The following TLL2 variants were observed in gnomAD, a reference collection of about 807,000 sequenced individuals.
TLL2 encodes tolloid like 2, also known as tolloid-like protein 2.
TLL2 carries 106 observed loss-of-function variants against 123.0 expected under a neutral mutation model. The observed-to-expected ratio is 0.86, with a 90% confidence interval of 0.74 to 1.01. TLL2 has a LOEUF of 1.01. TLL2 is among the 50% of genes least tolerant of loss of function. The pLI is 0.00. For synonymous variants in TLL2, 494 were observed against 516.8 expected (o/e 0.96, Z 0.60); for missense variants, 1,332 against 1,336.7 (o/e 1.00, Z 0.06).
rs1564891981 is a variant in TLL2 at position 96,370,251 on chromosome 10, C to T, written c.2727G>A (p.Gly909=). ...GGGCCTCGCTCGGGTAGTTGTTGTCCCCAAACTGGGCGTGGGAATAGAGCT... is the reference window on the plus strand; with the variant it reads ...GGGCCTCGCTCGGGTAGTTGTTGTCTCCAAACTGGGCGTGGGAATAGAGCT... ...TKELYSHAQF[G]DNNYPSEARC... The change falls in exon 20 of 21, where the codon GGG becomes GGA. Residue 909 remains glycine (G), a synonymous_variant. Transcript: ENST00000357947. 5 of 1,612,734 alleles carry T rather than the reference C, an allele frequency of 3.1e-6. No homozygotes were observed. Among genetic ancestry groups the T allele is most frequent in the African/African-American group, 1.3e-5 (1 of 74,922 alleles).
rs184294228 is a variant in TLL2, at chr10:96,372,953, G to T, written c.2662+643C>A. On this transcript the variant is annotated intron_variant, in intron 19 of 20. Coordinates refer to ENST00000357947, the MANE Select transcript of TLL2 (RefSeq NM_012465.4). ...AATCCTCCCCACTCAGCCTCCCAAA[G>T]TTCTGGGATTACAGGTGTGAGCCAC... Among the ~76,000 whole-genome samples, 947 of 152,196 alleles carry T rather than the reference G, an allele frequency of 6.2e-3. 8 individuals are homozygous for T. The highest frequency in any genetic ancestry group is 0.024 in the Middle Eastern group (7 of 294).
intron 1 of TLL2, among the ~76,000 whole-genome samples, chr10:96,485,726 T>C (rs1847349157): frequency 6.6e-6 from 1 of 152,204 alleles, no homozygotes; most frequent in South Asian, 2.1e-4. Flanking sequence ...TATCTGACAA[T>C]TCCTTGAAAT....
intron 8 of TLL2, among the ~76,000 whole-genome samples, chr10:96,411,779 C>T (rs1846509581): frequency 6.6e-6 from 1 of 152,200 alleles, no homozygotes; most frequent in South Asian, 2.1e-4. Context: ...CTCGGAACTA[C>T]TGGAAGCTCC....
intron 2 of TLL2, among the ~76,000 whole-genome samples, chr10:96,468,586 C>A (rs532879075): frequency 5.3e-5 from 8 of 152,318 alleles, no homozygotes; most frequent in African/African-American, 1.9e-4. Context: ...CTGTATCTCA[C>A]AACTAAAGAG....
At position 96,365,457 on chromosome 10, in the gene TLL2, C is replaced by A. The variant is rs549514837; in HGVS notation, c.*2631G>T. Reference sequence around the variant, plus strand: ...GGAGCCAGGCTAAAAACCCAGACCCCAAATCCTTCATTAGCCTGTTGTCCT... The same window carrying A: ...GGAGCCAGGCTAAAAACCCAGACCCAAAATCCTTCATTAGCCTGTTGTCCT... On this transcript the variant is annotated 3_prime_UTR_variant, in exon 21 of 21. Transcript: ENST00000357947. The A allele has an allele frequency of 2.6e-5, 4 of 152,362 alleles. No homozygotes were observed. The East Asian group carries it at 7.7e-4, about 29-fold the overall frequency. The allele number at this position is 152,362 out of a possible 1,614,324, so 9.4% of individuals were successfully genotyped here.
intron 19 of TLL2, among the ~76,000 whole-genome samples, chr10:96,372,936 C>G (rs1846097892): frequency 6.6e-6 from 1 of 152,124 alleles, no homozygotes; most frequent in African/African-American, 2.4e-5. Context: ...GCAATCCTCC[C>G]CACTCAGCCT....
At chr10:96,458,883 C>T (rs1847045200) in intron 2 of TLL2, among the ~76,000 whole-genome samples, 1 of 151,990 alleles carries the variant, frequency 6.6e-6, no homozygotes, top group African/African-American at 2.4e-5. Flanking sequence ...TTACTTGAGG[C>T]CAAGAGTTCA....
chr10:96,474,478 T>C (rs746490912), intron 2 of TLL2, among the ~76,000 whole-genome samples: 24 of 152,118 alleles, frequency 1.6e-4, no homozygotes, highest in Non-Finnish European at 2.8e-4. Context: ...CATTTCCTTA[T>C]GTGTAGAATG....
In TLL2 at chr10:96,386,109, G is replaced by A. The variant is rs770831045; in HGVS notation, c.1959C>T (p.Pro653=). The change falls in exon 15 of 21, where the codon CCC becomes CCT. Residue 653 remains proline (P), a synonymous_variant. Transcript: ENST00000357947. The part of the protein sequence containing the change: ...NKNCVWQVVA[P]AQYRISLQFE... ...ACTGAAGGGAGATCCGGTACTGAGC[G>A]GGGGCCACCACCTGCCAGACACAGT... 57 of 1,612,332 alleles carry A rather than the reference G, an allele frequency of 3.5e-5. No individual in the cohort carries two copies. The highest frequency in any genetic ancestry group is 8.4e-5 in the Admixed American group (5 of 59,836).
In TLL2 at chr10:96,428,737, C is replaced by T. The variant is rs1186617185; in HGVS notation, c.532G>A (p.Ala178Thr). Residue 178 changes from alanine to threonine, a missense_variant, in exon 5 of 21, where the codon GCC (alanine) becomes ACC (threonine). Physicochemically the swap from Ala to Thr is moderately conservative, Grantham distance 58. Coordinates refer to ENST00000357947, the MANE Select transcript of TLL2 (RefSeq NM_012465.4). The stretch of plus-strand genomic sequence containing the variant: ...TGTCTCATGGCCTGCTTAAAAATGG[C>T]CCTCTGGCTCCCTGAAACAACAGGG... ...IGGNFTGSQRAIFKQAMRHWE... is the reference protein window; with the variant it reads ...IGGNFTGSQRTIFKQAMRHWE... The T allele has an allele frequency of 3.1e-6, 5 of 1,611,352 alleles. No homozygotes were observed. Among genetic ancestry groups the T allele is most frequent in the Non-Finnish European group, 4.2e-6 (5 of 1,178,234 alleles).
At chr10:96,370,009 A>G in intron 20 of TLL2, 56 bp downstream of exon 20, 3 of 1,492,934 alleles carry the variant, frequency 2.0e-6, no homozygotes, top group Non-Finnish European at 8.9e-7. Flanking sequence ...CTGACTCCAC[A>G]ACTCCTGCTG....
At chr10:96,478,379 C>A (rs1847279842) in intron 2 of TLL2, among the ~76,000 whole-genome samples, 1 of 152,196 alleles carries the variant, frequency 6.6e-6, no homozygotes, top group Admixed American at 6.5e-5. Context: ...GAGTATGCAC[C>A]CACTTAGAGC....
At chr10:96,432,665 G>T (rs1846755825) in intron 4 of TLL2, 142 bp downstream of exon 4, 8 of 1,070,064 alleles carry the variant, frequency 7.5e-6, no homozygotes, top group Non-Finnish European at 1.1e-5. Flanking sequence ...GGACTTGCCG[G>T]CAAGAGGGGG....
chr10:96,445,186 C>G (rs1846886760), intron 3 of TLL2, among the ~76,000 whole-genome samples: 1 of 151,838 alleles, frequency 6.6e-6, no homozygotes, highest in Non-Finnish European at 1.5e-5. Flanking sequence ...GAGACTCCAC[C>G]TCAAAAAAAA....
intron 13 of TLL2, among the ~76,000 whole-genome samples, chr10:96,388,173 G>C (rs535194897): frequency 1.3e-5 from 2 of 152,318 alleles, no homozygotes; most frequent in Non-Finnish European, 2.9e-5. Context: ...GGAGGCTGAG[G>C]CGGGTGGATC....
intron 1 of TLL2, among the ~76,000 whole-genome samples, chr10:96,499,442 T>C (rs1940976680): frequency 6.6e-6 from 1 of 152,228 alleles, no homozygotes; most frequent in African/African-American, 2.4e-5. Context: ...TCAACCCCCT[T>C]TTCCTAGTTG....
chr10:96,387,111 T>C, intron 13 of TLL2, 33 bp from the exon 14 acceptor site: 1 of 1,603,756 alleles, frequency 6.2e-7, no homozygotes, highest in Non-Finnish European at 8.5e-7. Flanking sequence ...CCGGTTACAT[T>C]GTCAGGAAGC....
At chr10:96,407,704 A>G (rs756500349) in intron 9 of TLL2, among the ~76,000 whole-genome samples, 4 of 152,186 alleles carry the variant, frequency 2.6e-5, no homozygotes, top group Non-Finnish European at 5.9e-5. Context: ...ATCCCACCCA[A>G]TGTTTCGTCT....
intron 8 of TLL2, among the ~76,000 whole-genome samples, chr10:96,412,137 TC>T (rs1846513329): frequency 6.6e-6 from 1 of 152,192 alleles, no homozygotes; most frequent in Non-Finnish European, 1.5e-5. Context: ...GATATGTGTG[TC>T]CTGTATTTCA....
Sources: gnomAD v4.1 joint callset for allele counts (sites outside exome capture counted in the v4.1 genomes callset) on GRCh38, gnomAD v4.1.1 for gene constraint, MANE v1.5 for transcripts, NCBI Gene and HGNC (gene_info 2026-07-23, HGNC 2026-07-21) for gene names.